Variants in CEP83 observed in about 807,000 individuals in gnomAD.
The protein encoded by CEP83 is centrosomal protein 83.
A neutral mutation model predicts 101.9 loss-of-function variants in CEP83; 70 were observed. The observed-to-expected ratio is 0.69, with a 90% confidence interval of 0.57 to 0.84. The LOEUF is 0.84. Among genes scored for constraint, CEP83 ranks in the 40% least tolerant of loss-of-function variants. CEP83 has a pLI of 0.00. For missense variants in CEP83, 715 were observed against 787.2 expected (o/e 0.91, Z 1.10); for synonymous variants, 264 against 267.9 (o/e 0.99, Z 0.14).
intron 1 of CEP83, among the ~76,000 whole-genome samples, chr12:94,444,113 C>G (rs1273651666): frequency 2.0e-5 from 3 of 152,158 alleles, no homozygotes; most frequent in Non-Finnish European, 4.4e-5. Flanking sequence ...AAATTTCTAC[C>G]TCAGGCCGGG....
chr12:94,277,497 C>T, the CEP83 span, among the ~76,000 whole-genome samples: 1 of 152,158 alleles, frequency 6.6e-6, no homozygotes, highest in Non-Finnish European at 1.5e-5. Flanking sequence ...AAGAACTGTG[C>T]GGTTACTGTT....
intron 11 of CEP83, among the ~76,000 whole-genome samples, chr12:94,359,874 C>T (rs993380838): frequency 9.2e-5 from 14 of 151,882 alleles, no homozygotes; most frequent in African/African-American, 3.4e-4. Flanking sequence ...GATGCAAAAA[C>T]CCTCAACAAA....
At chr12:94,399,225 G>A (rs2063100177) in intron 6 of CEP83, among the ~76,000 whole-genome samples, 1 of 152,118 alleles carries the variant, frequency 6.6e-6, no homozygotes, top group African/African-American at 2.4e-5. Flanking sequence ...TGAGGCTCAG[G>A]TGGGCATCAC....
chr12:94,319,274 T>C (rs1971225192), intron 14 of CEP83, among the ~76,000 whole-genome samples: 1 of 152,210 alleles, frequency 6.6e-6, no homozygotes, highest in Non-Finnish European at 1.5e-5. Flanking sequence ...TCATTTCTAA[T>C]TGTGTTTATT....
At chr12:94,450,779 T>A (rs908241676) in intron 1 of CEP83, among the ~76,000 whole-genome samples, 1 of 152,240 alleles carries the variant, frequency 6.6e-6, no homozygotes, top group African/African-American at 2.4e-5. Context: ...AAGTTAGTGA[T>A]TCTTCCCATA....
intron 14 of CEP83, among the ~76,000 whole-genome samples, chr12:94,331,128 T>C (rs1403648978): frequency 1.3e-5 from 2 of 151,448 alleles, no homozygotes; most frequent in Non-Finnish European, 2.9e-5. Flanking sequence ...CTGTCTCTAC[T>C]AAAAATACAA....
Position 94,353,048 on chromosome 12 carries a change from A to C in CEP83, c.1343+14746T>G, listed in dbSNP as rs2136800838. Among the ~76,000 whole-genome samples the C allele has an allele frequency of 2.6e-5, 4 of 152,300 alleles. 1 individual carries two copies. The Middle Eastern group carries it at 0.014, about 518-fold the overall frequency. ...AAAGGTCCTCTCCAAGGCATACTAT[A>C]CTCAAACATCAAAAATCAAATCAAA... On this transcript the variant is annotated intron_variant, in intron 11 of 16. Transcript: ENST00000397809.
chr12:94,273,926 T>G, the CEP83 span, among the ~76,000 whole-genome samples: 3 of 151,988 alleles, frequency 2.0e-5, no homozygotes, highest in African/African-American at 7.3e-5. Context: ...TTCCGTGGTG[T>G]CAGAGCTCTG....
chr12:94,309,632 T>C (rs1969526694), intron 16 of CEP83, among the ~76,000 whole-genome samples: 2 of 152,154 alleles, frequency 1.3e-5, no homozygotes, highest in African/African-American at 4.8e-5. Flanking sequence ...AGCTACAAAC[T>C]CTAGGTTACT....
At chr12:94,348,438 G>A (rs2060043208) in intron 11 of CEP83, among the ~76,000 whole-genome samples, 1 of 152,088 alleles carries the variant, frequency 6.6e-6, no homozygotes, top group African/African-American at 2.4e-5. Context: ...CTCATGAACT[G>A]AGTGAAAATT....
chr12:94,349,747 A>G (rs952029276), intron 11 of CEP83, among the ~76,000 whole-genome samples: 2 of 152,246 alleles, frequency 1.3e-5, no homozygotes, highest in Non-Finnish European at 2.9e-5. Context: ...TCCATTTGAC[A>G]TGAAACTGGA....
At chr12:94,271,320 A>G in the CEP83 span, among the ~76,000 whole-genome samples, 2 of 152,238 alleles carry the variant, frequency 1.3e-5, no homozygotes, top group African/African-American at 4.8e-5. Context: ...TTAGCCAAGA[A>G]TATGGTTGAG....
At chr12:94,329,924 T>C (rs2059132090) in intron 14 of CEP83, among the ~76,000 whole-genome samples, 1 of 152,146 alleles carries the variant, frequency 6.6e-6, no homozygotes, top group Non-Finnish European at 1.5e-5. Context: ...AAGATAAAAG[T>C]AATATTCAGA....
the CEP83 span, chr12:94,277,674 A>C: frequency 3.1e-6 from 1 of 324,006 alleles, no homozygotes; most frequent in Non-Finnish European, 6.0e-6. Context: ...TTATTCAGAG[A>C]TACTGAGCAT....
chr12:94,422,863 G>A (rs978734397), intron 2 of CEP83, among the ~76,000 whole-genome samples: 14 of 152,176 alleles, frequency 9.2e-5, no homozygotes, highest in African/African-American at 2.9e-4. Flanking sequence ...CTGCTGATGC[G>A]CATTTGGTTG....
chr12:94,421,760 T>C (rs1017860951), intron 2 of CEP83, among the ~76,000 whole-genome samples: 1 of 152,212 alleles, frequency 6.6e-6, no homozygotes, highest in Non-Finnish European at 1.5e-5. Flanking sequence ...AGATATATGG[T>C]ATATAGCCTA....
intron 11 of CEP83, among the ~76,000 whole-genome samples, chr12:94,361,705 AT>A (rs796659419): frequency 1.3e-3 from 186 of 145,958 alleles, no homozygotes; most frequent in East Asian, 6.1e-3. Context: ...CTGCAAACTA[AT>A]TTTTTTTTTT....
intron 14 of CEP83, among the ~76,000 whole-genome samples, chr12:94,318,874 A>C (rs1309416986): frequency 6.6e-6 from 1 of 151,466 alleles, no homozygotes; most frequent in South Asian, 2.1e-4. Flanking sequence ...TAAAGTTTTC[A>C]TTGTTGTGTC....
intron 14 of CEP83, among the ~76,000 whole-genome samples, chr12:94,324,694 A>C (rs995485522): frequency 6.6e-6 from 1 of 152,192 alleles, no homozygotes; most frequent in Non-Finnish European, 1.5e-5. Flanking sequence ...GTTTGCTATT[A>C]AATCTATCCA....
Sources: allele counts gnomAD v4.1 joint callset (sites outside exome capture counted in the v4.1 genomes callset), GRCh38; gene constraint gnomAD v4.1.1; transcripts MANE v1.5; gene names NCBI Gene and HGNC (gene_info 2026-07-23, HGNC 2026-07-21).